RERE: variants seen among roughly 807,000 people sequenced by gnomAD.
RERE encodes arginine-glutamic acid dipeptide repeats protein.
RERE carries 40 observed loss-of-function variants against 146.1 expected under a neutral mutation model. That is an observed-to-expected ratio of 0.27 (90% confidence interval 0.21 to 0.36). RERE has a LOEUF of 0.36. Ranked by LOEUF, RERE falls within the 10% of genes least tolerant of loss-of-function variation. RERE has a pLI of 1.00. For missense variants in RERE, 1,933 were observed against 2,138.7 expected (o/e 0.90, Z 1.90); for synonymous variants, 1,003 against 866.0 (o/e 1.16, Z -2.78).
intron 1 of RERE, among the ~76,000 whole-genome samples, chr1:8,722,523 A>AAGGTG (rs1639883152): frequency 6.6e-6 from 1 of 152,244 alleles, no homozygotes; most frequent in Non-Finnish European, 1.5e-5. Context: ...CATCTGTTCA[A>AAGGTG]TAAAGCCACA....
intron 3 of RERE, among the ~76,000 whole-genome samples, chr1:8,618,866 G>A (rs1646886151): frequency 6.6e-6 from 1 of 152,096 alleles, no homozygotes; most frequent in Admixed American, 6.5e-5. Context: ...GTGGAGGGCG[G>A]GCAATCTCAA....
intron 4 of RERE, among the ~76,000 whole-genome samples, chr1:8,581,543 T>A (rs916367739): frequency 6.6e-6 from 1 of 152,184 alleles, no homozygotes; most frequent in Non-Finnish European, 1.5e-5. Context: ...GTAAACACAC[T>A]CTCCTGATTT....
chr1:8,531,064 TCTATCTAA>T lies in RERE; in HGVS notation c.830+10142_830+10149del, dbSNP rs1289839954. On this transcript the variant is annotated intron_variant, in intron 7 of 22. Transcript: ENST00000400908. Reference sequence around the variant, plus strand: ...ATCTATCTATCTATCTATCTATCTATCTATCTAACTTTCTATCTATCTGTCCATCTTTC... The same window carrying T: ...ATCTATCTATCTATCTATCTATCTATCTTTCTATCTATCTGTCCATCTTTC... Among the ~76,000 whole-genome samples the T allele has an allele frequency of 2.6e-3, 379 of 143,106 alleles. 1 individual carries two copies. Among genetic ancestry groups the T allele is most frequent in the African/African-American group, 9.0e-3 (339 of 37,558 alleles). 93.9% of individuals were successfully genotyped at this position (143,106 alleles called of 152,430 possible).
chr1:8,356,898 G>A lies in RERE; in HGVS notation c.4340-652C>T, dbSNP rs754948068. ...GCCACCTCCAGCCATGCTGCCCTGG[G>A]GTCCCTGGAAGATTGGGAGCCCCCG... On this transcript the variant is annotated intron_variant, in intron 20 of 22. Transcript: ENST00000400908. This position sits in a 1 kb window ranked among gnomAD's most constrained non-coding sequence, Gnocchi z 5.2. Among the ~76,000 whole-genome samples, 4 of 152,160 alleles carry A rather than the reference G, an allele frequency of 2.6e-5. No homozygotes were observed. The highest frequency in any genetic ancestry group is 6.5e-5 in the Admixed American group (1 of 15,274).
In RERE at chr1:8,590,357, A is replaced by G. The variant is rs569825912; in HGVS notation, c.522+24204T>C. On this transcript the variant is annotated intron_variant, in intron 4 of 22. Coordinates refer to ENST00000400908, the MANE Select transcript of RERE (RefSeq NM_001042681.2). ...GATACAGCACAAAGCCATCAAATCAAAAAGAGTCCACAATCCACACTCAAC... is the reference window on the plus strand; with the variant it reads ...GATACAGCACAAAGCCATCAAATCAGAAAGAGTCCACAATCCACACTCAAC... Among the ~76,000 whole-genome samples, 8 of 152,290 alleles carry G rather than the reference A, an allele frequency of 5.3e-5. No homozygotes were observed. The South Asian group carries it at 1.7e-3, about 32-fold the overall frequency.
At chr1:8,736,664 A>G (rs1640204658) in intron 1 of RERE, among the ~76,000 whole-genome samples, 3 of 152,178 alleles carry the variant, frequency 2.0e-5, no homozygotes, top group Admixed American at 1.3e-4. Flanking sequence ...AGAAGAACAG[A>G]GGAGGCAATT....
chr1:8,495,854 T>C (rs1370058331), intron 9 of RERE, among the ~76,000 whole-genome samples: 1 of 152,174 alleles, frequency 6.6e-6, no homozygotes, highest in Non-Finnish European at 1.5e-5. Context: ...TCATTCTGCA[T>C]ATCAACTACC....
At chr1:8,541,808 T>C (rs1169773890) in intron 6 of RERE, among the ~76,000 whole-genome samples, 1 of 152,328 alleles carries the variant, frequency 6.6e-6, no homozygotes, top group East Asian at 1.9e-4. Flanking sequence ...TCCTGCAATG[T>C]GCAACAAATA....
At chr1:8,416,377 A>T (rs577081826) in intron 12 of RERE, among the ~76,000 whole-genome samples, 1 of 152,272 alleles carries the variant, frequency 6.6e-6, no homozygotes, top group South Asian at 2.1e-4. Flanking sequence ...CAAGGTCAGG[A>T]GATCGAGACC....
chr1:8,674,047 CA>C (rs1377105857), intron 1 of RERE, among the ~76,000 whole-genome samples: 1 of 152,082 alleles, frequency 6.6e-6, no homozygotes, highest in African/African-American at 2.4e-5. Flanking sequence ...TAAATATTTT[CA>C]TATTAAAAAT....
intron 1 of RERE, among the ~76,000 whole-genome samples, chr1:8,664,823 C>T (rs1638534186): frequency 6.6e-6 from 1 of 152,162 alleles, no homozygotes; most frequent in Admixed American, 6.5e-5. Context: ...GAATCAGGTT[C>T]TTGATTAGTC....
At chr1:8,605,992 T>C (rs1250427048) in intron 4 of RERE, among the ~76,000 whole-genome samples, 1 of 151,788 alleles carries the variant, frequency 6.6e-6, no homozygotes, top group African/African-American at 2.4e-5. Context: ...ACTTTTGAAT[T>C]TTTTGTAGAA....
intron 6 of RERE, among the ~76,000 whole-genome samples, chr1:8,545,672 T>C (rs528461675): frequency 6.7e-6 from 1 of 149,566 alleles, no homozygotes; most frequent in Admixed American, 6.8e-5. Flanking sequence ...AAATAAATTA[T>C]TAATAAAAAA....
At chr1:8,536,211 A>C (rs1645725107) in intron 7 of RERE, among the ~76,000 whole-genome samples, 1 of 152,154 alleles carries the variant, frequency 6.6e-6, no homozygotes, top group Non-Finnish European at 1.5e-5. Flanking sequence ...CAGTTTACAG[A>C]AGTTTTCTGC....
chr1:8,688,466 C>A (rs746373018), intron 1 of RERE, among the ~76,000 whole-genome samples: 13 of 151,888 alleles, frequency 8.6e-5, no homozygotes, highest in Non-Finnish European at 1.8e-4. Context: ...GAGGCTGAGG[C>A]AGAAGAATCC....
At chr1:8,815,286 C>A (rs1641889693) in intron 1 of RERE, among the ~76,000 whole-genome samples, 1 of 152,180 alleles carries the variant, frequency 6.6e-6, no homozygotes, top group African/African-American at 2.4e-5. Flanking sequence ...CAAACCATCA[C>A]ACCACTAAAA....
rs371657727 is a variant in RERE at position 8,609,925 on chromosome 1, C to T, written c.522+4636G>A. On this transcript the variant is annotated intron_variant, in intron 4 of 22. Coordinates refer to ENST00000400908, the MANE Select transcript of RERE (RefSeq NM_001042681.2). ...CTGCAACTGCAGACACATGCCACCA[C>T]ACCCAGATAATTTTTCATTTTTTCG... Among the ~76,000 whole-genome samples the T allele has an allele frequency of 3.3e-5, 5 of 152,108 alleles. No homozygotes were observed. In the East Asian group the frequency reaches 5.8e-4, roughly 18 times the overall value.
chr1:8,702,921 A>C (rs1429398399), intron 1 of RERE: 1 of 152,058 alleles, frequency 6.6e-6, no homozygotes, highest in Non-Finnish European at 1.5e-5. Flanking sequence ...ATTCTTAGGA[A>C]CACCCGAGTT....
At chr1:8,597,392 C>T (rs913507332) in intron 4 of RERE, among the ~76,000 whole-genome samples, 2 of 152,060 alleles carry the variant, frequency 1.3e-5, no homozygotes, top group African/African-American at 4.8e-5. Flanking sequence ...GTGCCCAGCC[C>T]CTGATGCTAA....
Sources: allele counts gnomAD v4.1 joint callset (sites outside exome capture counted in the v4.1 genomes callset), GRCh38; gene constraint gnomAD v4.1.1; non-coding constraint Gnocchi (gnomAD v3.1); transcripts MANE v1.5; gene names NCBI Gene and HGNC (gene_info 2026-07-23, HGNC 2026-07-21).